WEE2: variants seen among roughly 807,000 people sequenced by gnomAD.
WEE2 encodes the protein wee1-like protein kinase 2.
WEE2 carries 50 observed loss-of-function variants against 60.1 expected under a neutral mutation model. That is an observed-to-expected ratio of 0.83 (90% confidence interval 0.66 to 1.05). The LOEUF (loss-of-function observed/expected upper bound fraction) is 1.05, where lower values mean the gene tolerates loss of function less well. Ranked by LOEUF, WEE2 falls within the 50% of genes least tolerant of loss-of-function variation. The pLI is 0.00. For missense variants in WEE2, 631 were observed against 684.3 expected (o/e 0.92, Z 0.87); for synonymous variants, 240 against 241.0 (o/e 1.00, Z 0.04).
In WEE2 at chr7:141,724,231, G is replaced by A; in HGVS notation, c.1177G>A (p.Glu393Lys). The part of the protein sequence containing the change: ...HATSINKPKV[E>K]EGDSRFLANE... ...AACATCAATAAACAAACCCAAAGTG[G>A]AAGAAGGAGATAGTCGCTTCCTGGC... The change falls in exon 8 of 12, where the codon GAA becomes AAA. Residue 393 changes from glutamate to lysine, a missense_variant. Coordinates refer to ENST00000397541, the MANE Select transcript of WEE2 (RefSeq NM_001105558.1). 6.2e-7 allele frequency: 1 copy of A among 1,613,848 alleles called. No homozygotes were observed. Among genetic ancestry groups the A allele is most frequent in the Non-Finnish European group, 8.5e-7 (1 of 1,179,918 alleles).
At chr7:141,714,450 C>A in intron 2 of WEE2, 45 bp downstream of exon 2, 1 of 1,429,648 alleles carries the variant, frequency 7.0e-7, no homozygotes, top group Non-Finnish European at 9.6e-7. Context: ...GACCCTACTA[C>A]AGTCAAGTAG....
In WEE2 at chr7:141,714,425, T is replaced by G. The variant is rs76292981; in HGVS notation, c.539+20T>G. ...AGATCTGTAAGTGCTCTATTACTTA[T>G]GACTTTTGAGAACTGACCCTACTAC... On this transcript the variant is annotated intron_variant, in intron 2 of 11. Transcript: ENST00000397541. 2 of 1,583,632 alleles carry G rather than the reference T, an allele frequency of 1.3e-6. No homozygotes were observed. The highest frequency in any genetic ancestry group is 3.6e-5 in the Admixed American group (2 of 55,752).
rs1459103640 is a variant in WEE2 at position 141,711,628 on chromosome 7, T to C, written c.342+2528T>C. The C allele has an allele frequency of 6.6e-6, 1 of 152,198 alleles. No individual in the cohort carries two copies. Among genetic ancestry groups the C allele is most frequent in the South Asian group, 2.1e-4 (1 of 4,832 alleles). The allele number at this position is 152,198 out of a possible 1,614,324, so 9.4% of individuals were successfully genotyped here. On this transcript the variant is annotated intron_variant, in intron 1 of 11. Transcript: ENST00000397541. The surrounding 1 kb of genome is among the most constrained non-coding windows in gnomAD (Gnocchi z 4.2). ...TGTAAGCTCCCTGTGGCTAAAAGCA[T>C]AGAACACTCATTGATGACCGACCAC...
intron 10 of WEE2, among the ~76,000 whole-genome samples, chr7:141,728,908 C>T (rs181477225): frequency 2.6e-5 from 4 of 152,310 alleles, no homozygotes; most frequent in Non-Finnish European, 5.9e-5. Context: ...CTGAGGTGAA[C>T]AGTTTCATCC....
In WEE2 at chr7:141,708,380, C is replaced by A. The variant is rs576583946; in HGVS notation, c.-379C>A. 138 of 191,980 alleles carry A rather than the reference C, an allele frequency of 7.2e-4. No individual in the cohort carries two copies. Among genetic ancestry groups the A allele is most frequent in the African/African-American group, 3.1e-3 (134 of 43,064 alleles). The allele number at this position is 191,980 out of a possible 1,614,324, so 11.9% of individuals were successfully genotyped here. ...TTTCTTTTCAATATTAGCTTATTCC[C>A]AAATTGGCTAATGGGTATTTTTAAA... On this transcript the variant is annotated 5_prime_UTR_variant, in exon 1 of 12. Coordinates refer to ENST00000397541, the MANE Select transcript of WEE2 (RefSeq NM_001105558.1).
At position 141,719,251 on chromosome 7, in the gene WEE2, A is replaced by C. The variant is rs1312397930; in HGVS notation, c.758+7A>C. 2.5e-6 allele frequency: 4 copies of C among 1,584,426 alleles called. No homozygotes were observed. In the African/African-American group the frequency reaches 5.4e-5, roughly 22 times the overall value. On this transcript the variant is annotated splice_region_variant and intron_variant, in intron 4 of 11. Transcript: ENST00000397541. ...TTACAGAATTATCAAATGAGTGAGTACCTTTGAAATGCACTAAAAATATAA... is the reference window on the plus strand; with the variant it reads ...TTACAGAATTATCAAATGAGTGAGTCCCTTTGAAATGCACTAAAAATATAA...
At chr7:141,728,865 G>A (rs1012198254) in intron 10 of WEE2, among the ~76,000 whole-genome samples, 2 of 152,206 alleles carry the variant, frequency 1.3e-5, no homozygotes, top group Admixed American at 6.5e-5. Flanking sequence ...GATCTAGGTT[G>A]TGTACTCCTT....
intron 3 of WEE2, 124 bp from the exon 4 acceptor site, chr7:141,718,948 C>A: frequency 1.3e-6 from 1 of 796,422 alleles, no homozygotes; most frequent in Non-Finnish European, 2.0e-6. Context: ...AAGTAGAATT[C>A]ATTGCAGTCA....
chr7:141,720,827 CAATA>C, intron 4 of WEE2, 104 bp from the exon 5 acceptor site: 1 of 1,211,324 alleles, frequency 8.3e-7, no homozygotes, highest in South Asian at 1.4e-5. Flanking sequence ...AGTGAGCTCT[CAATA>C]AATATTCTGC....
At chr7:141,714,463 A>G in intron 2 of WEE2, 58 bp downstream of exon 2, 1 of 1,286,904 alleles carries the variant, frequency 7.8e-7, no homozygotes, top group Non-Finnish European at 1.1e-6. Context: ...TCAAGTAGTA[A>G]GAAGTGAGTG....
Position 141,725,049 on chromosome 7 carries a change from A to T in WEE2, c.1245A>T (p.Ala415=). 6.2e-7 allele frequency: 1 copy of T among 1,614,074 alleles called. No individual in the cohort carries two copies. Among genetic ancestry groups the T allele is most frequent in the Non-Finnish European group, 8.5e-7 (1 of 1,179,960 alleles). The change falls in exon 9 of 12, where the codon GCA becomes GCT. Residue 415 remains alanine (A), a synonymous_variant. Transcript: ENST00000397541. ...AGGATTACCGGCACCTTCCCAAAGCAGACATATTTGCCTTGGGATTAACAA... is the reference window on the plus strand; with the variant it reads ...AGGATTACCGGCACCTTCCCAAAGCTGACATATTTGCCTTGGGATTAACAA... ...LQEDYRHLPK[A]DIFALGLTIA... is the part of the protein sequence containing the mutation.
At position 141,731,020 on chromosome 7, in the gene WEE2, G is replaced by T. The variant is rs1325194050; in HGVS notation, c.*700G>T. On this transcript the variant is annotated 3_prime_UTR_variant, in exon 12 of 12. Coordinates refer to ENST00000397541, the MANE Select transcript of WEE2 (RefSeq NM_001105558.1). ...ACATTTTATGAATAAAAGGGTAAGA[G>T]AATTGAGTGGGTCAGTAGTAACAGG... 6.6e-6 allele frequency: 1 copy of T among 152,124 alleles called. No homozygotes were observed. The highest frequency in any genetic ancestry group is 6.5e-5 in the Admixed American group (1 of 15,280). 9.4% of individuals were successfully genotyped at this position (152,124 alleles called of 1,614,324 possible).
intron 10 of WEE2, 133 bp from the exon 11 acceptor site, chr7:141,729,398 T>C: frequency 7.9e-7 from 1 of 1,260,650 alleles, no homozygotes; most frequent in Non-Finnish European, 1.1e-6. Flanking sequence ...AATTTTCTAT[T>C]CTGTACATAG....
intron 5 of WEE2, 47 bp from the exon 6 acceptor site, chr7:141,723,087 T>A: frequency 1.2e-6 from 2 of 1,606,828 alleles, no homozygotes; most frequent in Non-Finnish European, 1.7e-6. Flanking sequence ...TATGCTTTCA[T>A]CTATAAGACT....
rs1798661381 is a variant in WEE2 at position 141,708,762 on chromosome 7, G to C, written c.4G>C (p.Asp2His). Residue 2 changes from aspartate to histidine, a missense_variant, in exon 1 of 12, where the codon GAT becomes CAT. Transcript: ENST00000397541. ...GTTGTAAAGCTCTTTGGCTGAGATG[G>C]ATGACAAAGATATTGACAAAGAACT... MDDKDIDKELRQ... is the reference protein window; with the variant it reads MHDKDIDKELRQ... The C allele has an allele frequency of 4.3e-6, 7 of 1,612,260 alleles. No individual in the cohort carries two copies. The South Asian group carries it at 6.6e-5, about 15-fold the overall frequency.
intron 2 of WEE2, 150 bp from the exon 3 acceptor site, chr7:141,716,072 G>A (rs1483478675): frequency 4.9e-6 from 3 of 613,464 alleles, no homozygotes; most frequent in Admixed American, 3.2e-5. Context: ...CTAGGTTCTT[G>A]TATTGAAATT....
In WEE2 at chr7:141,723,178, A is replaced by G; in HGVS notation, c.925A>G (p.Asn309Asp). ...TATATCTGAAAACACTAAGTCTGGC[A>G]ATCATTTTGAAGAGCCAAAACTCAA... is the stretch of plus-strand genomic sequence containing the variant. ...AAISENTKSG[N>D]HFEEPKLKDI... The change falls in exon 6 of 12, where the codon AAT becomes GAT. Residue 309 changes from asparagine (N) to aspartate (D), a missense_variant. Transcript: ENST00000397541. 8 of 1,614,218 alleles carry G rather than the reference A, an allele frequency of 5.0e-6. No individual in the cohort carries two copies. The highest frequency in any genetic ancestry group is 5.9e-6 in the Non-Finnish European group (7 of 1,180,028).
At chr7:141,722,551 T>C (rs1341343334) in intron 5 of WEE2, among the ~76,000 whole-genome samples, 2 of 152,178 alleles carry the variant, frequency 1.3e-5, no homozygotes, top group Non-Finnish European at 2.9e-5. Flanking sequence ...AAGATTTAGG[T>C]GTATGTGCAG....
At position 141,720,997 on chromosome 7, in the gene WEE2, G is replaced by A. The variant is rs1455674332; in HGVS notation, c.821G>A (p.Arg274His). 1.8e-5 allele frequency: 29 copies of A among 1,613,896 alleles called. No homozygotes were observed. The highest frequency in any genetic ancestry group is 2.3e-5 in the Non-Finnish European group (27 of 1,179,916). ...CTTGGGCATCACCCCCATGTGGTACGTTACTATTCCTCATGGGCAGAAGAT... is the reference window on the plus strand; with the variant it reads ...CTTGGGCATCACCCCCATGTGGTACATTACTATTCCTCATGGGCAGAAGAT... ...AVLGHHPHVVRYYSSWAEDDH... is the reference protein window; with the variant it reads ...AVLGHHPHVVHYYSSWAEDDH... The change falls in exon 5 of 12, where the codon CGT (arginine) becomes CAT (histidine). Residue 274 changes from arginine to histidine, a missense_variant. Coordinates refer to ENST00000397541, the MANE Select transcript of WEE2 (RefSeq NM_001105558.1).
Sources: gnomAD v4.1 joint callset for allele counts (sites outside exome capture counted in the v4.1 genomes callset) on GRCh38, gnomAD v4.1.1 for gene constraint, Gnocchi (gnomAD v3.1) non-coding constraint, MANE v1.5 for transcripts, NCBI Gene and HGNC (gene_info 2026-07-23, HGNC 2026-07-21) for gene names.